Variants in GCH1 observed in about 807,000 individuals in gnomAD.
The protein encoded by GCH1 is GTP cyclohydrolase I.
Under a neutral mutation model 25.9 loss-of-function variants are expected in GCH1, and 5 were observed. That is an observed-to-expected ratio of 0.19 (90% CI 0.10 to 0.41). GCH1 has a LOEUF of 0.41. Among genes scored for constraint, GCH1 ranks in the 10% least tolerant of loss-of-function variants. GCH1 has a pLI of 1.00. For missense variants in GCH1, 261 were observed against 336.5 expected (o/e 0.78, Z 1.75); for synonymous variants, 159 against 129.6 (o/e 1.23, Z -1.54).
At chr14:54,892,590 G>A (rs1566682712) in intron 1 of GCH1, among the ~76,000 whole-genome samples, 2 of 152,044 alleles carry the variant, frequency 1.3e-5, no homozygotes, top group Non-Finnish European at 2.9e-5. Flanking sequence ...TCAGGAGGCT[G>A]AGGCAGGAGA....
intron 3 of GCH1, among the ~76,000 whole-genome samples, chr14:54,855,965 A>G (rs2039804924): frequency 6.6e-6 from 1 of 152,196 alleles, no homozygotes; most frequent in Admixed American, 6.6e-5. Flanking sequence ...ATAGGTAAGA[A>G]AAGTTTTCAC....
chr14:54,900,667 T>C (rs139838875), intron 1 of GCH1, among the ~76,000 whole-genome samples: 2,334 of 152,232 alleles, frequency 0.015, 30 homozygotes, highest in Non-Finnish European at 0.025. Context: ...GGGTCAGAAA[T>C]TCCTCTCTCT....
chr14:54,900,500 C>G lies in GCH1; in HGVS notation c.343+1821G>C, dbSNP rs530728136. Among the ~76,000 whole-genome samples, 38 of 152,314 alleles carry G rather than the reference C, an allele frequency of 2.5e-4. 3 individuals carry two copies. In the South Asian group the frequency reaches 7.9e-3, roughly 32 times the overall value. ...GTGCTGGGATTACAGGCGTGAGCAC[C>G]GAGCTCGGCCAACCAGAACAGTTTT... On this transcript the variant is annotated intron_variant, in intron 1 of 5. Transcript: ENST00000491895.
intron 1 of GCH1, among the ~76,000 whole-genome samples, chr14:54,876,344 G>A (rs2040159848): frequency 6.6e-6 from 1 of 152,116 alleles, no homozygotes; most frequent in Non-Finnish European, 1.5e-5. Flanking sequence ...GCCTGTTGTG[G>A]GGTGCGGGGA....
intron 1 of GCH1, among the ~76,000 whole-genome samples, chr14:54,899,113 T>A (rs1188156108): frequency 6.6e-6 from 1 of 152,148 alleles, no homozygotes; most frequent in Admixed American, 6.5e-5. Flanking sequence ...TGGTCCATCA[T>A]TGAAGGAAAC....
chr14:54,868,606 T>C (rs2040021861), intron 1 of GCH1, among the ~76,000 whole-genome samples: 2 of 152,148 alleles, frequency 1.3e-5, no homozygotes, highest in Admixed American at 6.5e-5. Context: ...ATTTTTATTA[T>C]TTTTTCTTTT....
At chr14:54,879,758 C>T (rs1035005767) in intron 1 of GCH1, among the ~76,000 whole-genome samples, 9 of 151,774 alleles carry the variant, frequency 5.9e-5, no homozygotes, top group African/African-American at 1.5e-4. Context: ...CCAGCACGTT[C>T]GGAGGCCGAT....
chr14:54,865,377 T>C lies in GCH1; in HGVS notation c.403A>G (p.Ile135Val). Residue 135 changes from isoleucine to valine, a missense_variant, in exon 2 of 6, where the codon ATA (isoleucine) becomes GTA (valine). Around this residue, in one of 3 missense-constraint regions of GCH1, gnomAD observed 130 missense variants for 184.1 expected, o/e 0.71. Transcript: ENST00000491895. Reference sequence around the variant, plus strand: ...TGCTCACACATGGAAAACATGTCTATGTCCTTCACAATCACCATCTCATCA... The same window carrying C: ...TGCTCACACATGGAAAACATGTCTACGTCCTTCACAATCACCATCTCATCA... Reference protein sequence around the residue: ...DHDEMVIVKDIDMFSMCEHHL... With the variant: ...DHDEMVIVKDVDMFSMCEHHL... 6.3e-7 allele frequency: 1 copy of C among 1,595,458 alleles called. No homozygotes were observed. The highest frequency in any genetic ancestry group is 8.6e-7 in the Non-Finnish European group (1 of 1,163,346).
intron 1 of GCH1, among the ~76,000 whole-genome samples, chr14:54,899,396 T>C (rs2040531292): frequency 1.3e-5 from 2 of 152,136 alleles, no homozygotes. Flanking sequence ...AGAGTGAGAC[T>C]GCAGTGAGCC....
At chr14:54,887,993 C>A (rs1809214030) in intron 1 of GCH1, among the ~76,000 whole-genome samples, 1 of 152,142 alleles carries the variant, frequency 6.6e-6, no homozygotes, top group Admixed American at 6.5e-5. Flanking sequence ...TAAACTAAAA[C>A]TTCAAGCACT....
At chr14:54,884,248 A>T (rs1477178559) in intron 1 of GCH1, among the ~76,000 whole-genome samples, 1 of 152,164 alleles carries the variant, frequency 6.6e-6, no homozygotes, top group African/African-American at 2.4e-5. Flanking sequence ...AGACAAAACA[A>T]TATGATTGTA....
chr14:54,848,910 T>C (rs2039684576), intron 3 of GCH1, among the ~76,000 whole-genome samples: 1 of 152,276 alleles, frequency 6.6e-6, no homozygotes, highest in Non-Finnish European at 1.5e-5. Context: ...ATATTACTTC[T>C]GATAGTTTTT....
rs188484480 is a variant in GCH1 at position 54,898,708 on chromosome 14, C to T, written c.343+3613G>A. On this transcript the variant is annotated intron_variant, in intron 1 of 5. Transcript: ENST00000491895. Reference sequence around the variant, plus strand: ...AATCTCGGCTCACTGCAACCTCCACCTTCTGGGTTCAAGTGATTCTCCTGC... The same window carrying T: ...AATCTCGGCTCACTGCAACCTCCACTTTCTGGGTTCAAGTGATTCTCCTGC... 5.3e-3 allele frequency among the ~76,000 whole-genome samples: 809 copies of T among 152,310 alleles called. 11 individuals carry two copies. Among genetic ancestry groups the T allele is most frequent in the African/African-American group, 0.018 (761 of 41,574 alleles).
At chr14:54,894,455 T>G (rs768178576) in intron 1 of GCH1, among the ~76,000 whole-genome samples, 6 of 152,124 alleles carry the variant, frequency 3.9e-5, no homozygotes, top group Non-Finnish European at 7.3e-5. Context: ...TTTTGGAACT[T>G]TAGTCTCTAG....
chr14:54,879,093 G>C (rs1038228565), intron 1 of GCH1, among the ~76,000 whole-genome samples: 2 of 152,018 alleles, frequency 1.3e-5, no homozygotes, highest in African/African-American at 4.8e-5. Flanking sequence ...TTTAAATGAA[G>C]GGACTCCAAA....
rs142686866 is a variant in GCH1 at position 54,874,795 on chromosome 14, G to T, written c.344-9359C>A. 1.8e-3 allele frequency among the ~76,000 whole-genome samples: 270 copies of T among 152,138 alleles called. 1 individual carries two copies. Among genetic ancestry groups the T allele is most frequent in the Non-Finnish European group, 2.8e-3 (188 of 68,016 alleles). ...AATCCAACTTACAAGGGACATAAAG[G>T]ACCTCTTCAAGGAGAACTACAAACC... On this transcript the variant is annotated intron_variant, in intron 1 of 5. Transcript: ENST00000491895.
At chr14:54,864,970 A>G (rs2039970020) in intron 2 of GCH1, among the ~76,000 whole-genome samples, 1 of 152,138 alleles carries the variant, frequency 6.6e-6, no homozygotes, top group Non-Finnish European at 1.5e-5. Context: ...GTTAAAATAA[A>G]GGGCATCTCT....
chr14:54,866,685 C>T (rs981851339), intron 1 of GCH1, among the ~76,000 whole-genome samples: 1 of 152,132 alleles, frequency 6.6e-6, no homozygotes, highest in African/African-American at 2.4e-5. Context: ...ACCCACACTG[C>T]CTGACCTTCA....
intron 2 of GCH1, among the ~76,000 whole-genome samples, chr14:54,865,098 G>T (rs2039972851): frequency 6.6e-6 from 1 of 151,046 alleles, no homozygotes; most frequent in Non-Finnish European, 1.5e-5. Context: ...TTTAACCTAT[G>T]AACCTGGTAT....
Sources: allele counts gnomAD v4.1 joint callset (sites outside exome capture counted in the v4.1 genomes callset), GRCh38; gene constraint gnomAD v4.1.1; regional missense constraint gnomAD v4.1.1; transcripts MANE v1.5; gene names NCBI Gene and HGNC (gene_info 2026-07-23, HGNC 2026-07-21).